PLCL2: variants seen among roughly 807,000 people sequenced by gnomAD.
The protein encoded by PLCL2 is inactive phospholipase C-like protein 2.
Under a neutral mutation model 79.6 loss-of-function variants are expected in PLCL2, and 4 were observed. The observed-to-expected ratio is 0.05, with a 90% CI of 0.02 to 0.11. The LOEUF (loss-of-function observed/expected upper bound fraction) is 0.11. Ranked by LOEUF, PLCL2 falls within the 10% of genes least tolerant of loss-of-function variation. The pLI, the probability that PLCL2 is intolerant of heterozygous loss-of-function variation, is 1.00. For synonymous variants in PLCL2, 484 were observed against 457.7 expected (o/e 1.06, Z -0.73); for missense variants, 895 against 1,291.0 (o/e 0.69, Z 4.70).
intron 5 of PLCL2, among the ~76,000 whole-genome samples, chr3:17,087,896 A>G (rs908280138): frequency 6.6e-5 from 10 of 152,230 alleles, no homozygotes; most frequent in Admixed American, 2.0e-4. Flanking sequence ...GAATGTGTGT[A>G]GCAATTCTGC....
chr3:16,967,305 A>T (rs1270717307), intron 1 of PLCL2, among the ~76,000 whole-genome samples: 1 of 152,104 alleles, frequency 6.6e-6, no homozygotes, highest in Non-Finnish European at 1.5e-5. Flanking sequence ...GCTAGGGTGA[A>T]TGTAATTCTG....
At chr3:17,040,411 T>C (rs1428563315) in intron 3 of PLCL2, among the ~76,000 whole-genome samples, 1 of 152,218 alleles carries the variant, frequency 6.6e-6, no homozygotes, top group African/African-American at 2.4e-5. Flanking sequence ...ATAATGCAAC[T>C]TGTTTCTCTG....
At chr3:17,018,541 T>C (rs1339771761) in intron 3 of PLCL2, among the ~76,000 whole-genome samples, 2 of 152,178 alleles carry the variant, frequency 1.3e-5, no homozygotes, top group Non-Finnish European at 1.5e-5. Flanking sequence ...TCTACTTTTT[T>C]TCAACAGATG....
intron 1 of PLCL2, among the ~76,000 whole-genome samples, chr3:16,891,025 C>T (rs1187476949): frequency 6.6e-6 from 1 of 152,202 alleles, no homozygotes; most frequent in Non-Finnish European, 1.5e-5. Flanking sequence ...GCACTTGGTC[C>T]CATGGCAGGG....
intron 1 of PLCL2, among the ~76,000 whole-genome samples, chr3:16,928,023 C>G (rs1415421575): frequency 6.6e-6 from 1 of 152,232 alleles, no homozygotes; most frequent in Non-Finnish European, 1.5e-5. Flanking sequence ...TGCTCCAACT[C>G]TCATTTTCCA....
intron 1 of PLCL2, among the ~76,000 whole-genome samples, chr3:16,971,096 G>T (rs1421186206): frequency 1.3e-5 from 2 of 151,290 alleles, no homozygotes; most frequent in Non-Finnish European, 3.0e-5. Flanking sequence ...TTTGGCTTTT[G>T]TTGCCATTGC....
rs1354191870 is a variant in PLCL2 at position 17,014,819 on chromosome 3, G to A, written c.2926G>A (p.Val976Met). 1.9e-6 allele frequency: 3 copies of A among 1,614,124 alleles called. No homozygotes were observed. The highest frequency in any genetic ancestry group is 2.5e-6 in the Non-Finnish European group (3 of 1,179,986). Residue 976 changes from valine (V) to methionine (M), a missense_variant, in exon 3 of 6, where the codon GTG becomes ATG. Coordinates refer to ENST00000615277, the MANE Select transcript of PLCL2 (RefSeq NM_001144382.2). ...RFLGPDNTPL[V>M]VLNLSEQYPT... Reference sequence around the variant, plus strand: ...TCTGGGGCCCGATAACACACCCCTAGTGGTCCTAAATCTCAGCGAGCAGTA... The same window carrying A: ...TCTGGGGCCCGATAACACACCCCTAATGGTCCTAAATCTCAGCGAGCAGTA...
chr3:16,967,534 C>T (rs192171409), intron 1 of PLCL2, among the ~76,000 whole-genome samples: 9 of 152,024 alleles, frequency 5.9e-5, no homozygotes, highest in African/African-American at 1.2e-4. Context: ...GCATTTCTTT[C>T]GTATGCTTGT....
At position 16,984,703 on chromosome 3, in the gene PLCL2, C is replaced by T. The variant is rs560503749; in HGVS notation, c.328-24971C>T. On this transcript the variant is annotated intron_variant, in intron 1 of 5. Coordinates refer to ENST00000615277, the MANE Select transcript of PLCL2 (RefSeq NM_001144382.2). ...ATCCCAGCACTTTGGGAGGCCCAGG[C>T]AGGCAGATCACGAGGTCAGGAGATG... 1.7e-4 allele frequency among the ~76,000 whole-genome samples: 26 copies of T among 152,230 alleles called. No individual in the cohort carries two copies. The East Asian group carries it at 3.3e-3, about 19-fold the overall frequency.
chr3:16,919,519 C>T (rs188893919), intron 1 of PLCL2, among the ~76,000 whole-genome samples: 1 of 152,136 alleles, frequency 6.6e-6, no homozygotes, highest in East Asian at 1.9e-4. Flanking sequence ...TTTTCGGTTT[C>T]ATTAATTTCT....
At chr3:16,935,688 A>T (rs1320510563) in intron 1 of PLCL2, among the ~76,000 whole-genome samples, 2 of 152,102 alleles carry the variant, frequency 1.3e-5, no homozygotes, top group Non-Finnish European at 2.9e-5. Context: ...ATAATATTGG[A>T]ATTTCTGGGA....
chr3:17,036,445 G>A (rs2064656453), intron 3 of PLCL2, among the ~76,000 whole-genome samples: 2 of 152,168 alleles, frequency 1.3e-5, no homozygotes, highest in East Asian at 1.9e-4. Flanking sequence ...CTGGATTTCA[G>A]TTGAGAAGTC....
chr3:17,067,621 G>T (rs2065023100), intron 4 of PLCL2, among the ~76,000 whole-genome samples: 1 of 152,130 alleles, frequency 6.6e-6, no homozygotes. Flanking sequence ...CCAGATGCTG[G>T]TCCCAGCCCT....
chr3:16,932,257 G>T (rs1201201062), intron 1 of PLCL2, among the ~76,000 whole-genome samples: 2 of 152,200 alleles, frequency 1.3e-5, no homozygotes, highest in Non-Finnish European at 2.9e-5. Context: ...GGTAGTATCA[G>T]CTGTTAGCAT....
At chr3:16,948,996 G>A (rs548231117) in intron 1 of PLCL2, among the ~76,000 whole-genome samples, 3 of 152,290 alleles carry the variant, frequency 2.0e-5, no homozygotes, top group Admixed American at 6.5e-5. Context: ...CAACTGTTGG[G>A]TGCATTTTGG....
chr3:17,010,956 A>G lies in PLCL2; in HGVS notation c.1610A>G (p.Lys537Arg). The G allele has an allele frequency of 6.2e-7, 1 of 1,614,098 alleles. No homozygotes were observed. The highest frequency in any genetic ancestry group is 8.5e-7 in the Non-Finnish European group (1 of 1,180,002). Reference protein sequence around the residue: ...QQKVMVQHMKKLLGDKLYTTS... With the variant: ...QQKVMVQHMKRLLGDKLYTTS... ...AAGGTAATGGTTCAGCACATGAAGA[A>G]ACTTTTAGGAGACAAGCTCTATACA... The change falls in exon 2 of 6, where the codon AAA (lysine) becomes AGA (arginine). Residue 537 changes from lysine to arginine, a missense_variant. Lys to Arg is a conservative substitution (Grantham distance 26). Coordinates refer to ENST00000615277, the MANE Select transcript of PLCL2 (RefSeq NM_001144382.2). The surrounding 1 kb of genome is among the most constrained non-coding windows in gnomAD (Gnocchi z 5.8).
intron 1 of PLCL2, among the ~76,000 whole-genome samples, chr3:16,948,358 G>A (rs2063620335): frequency 6.6e-6 from 1 of 152,104 alleles, no homozygotes; most frequent in Admixed American, 6.6e-5. Context: ...CCTAGGGCTG[G>A]GGTCGGGGGT....
intron 1 of PLCL2, among the ~76,000 whole-genome samples, chr3:17,000,928 G>A (rs777646269): frequency 1.3e-5 from 2 of 152,016 alleles, no homozygotes; most frequent in Admixed American, 6.6e-5. Context: ...CTTTCTTTTG[G>A]ATATATATCC....
At chr3:16,949,443 T>C (rs940927187) in intron 1 of PLCL2, among the ~76,000 whole-genome samples, 1 of 152,246 alleles carries the variant, frequency 6.6e-6, no homozygotes, top group Non-Finnish European at 1.5e-5. Context: ...AAATTATCCT[T>C]GATCCTATAT....
Sources: gnomAD v4.1 joint callset for allele counts (sites outside exome capture counted in the v4.1 genomes callset) on GRCh38, gnomAD v4.1.1 for gene constraint, Gnocchi (gnomAD v3.1) non-coding constraint, MANE v1.5 for transcripts, NCBI Gene and HGNC (gene_info 2026-07-23, HGNC 2026-07-21) for gene names.